Variants in CHEK1 observed in about 807,000 individuals in gnomAD.
The protein encoded by CHEK1 is serine/threonine-protein kinase Chk1.
CHEK1 carries 32 observed loss-of-function variants against 60.2 expected under a neutral mutation model. The ratio of observed to expected loss-of-function variants is 0.53; its 90% CI spans 0.40 to 0.71. The LOEUF is 0.71. Among genes scored for constraint, CHEK1 ranks in the 30% least tolerant of loss-of-function variants. The pLI is 0.00. For missense variants in CHEK1, 399 were observed against 564.6 expected (o/e 0.71, Z 2.97); for synonymous variants, 179 against 187.2 (o/e 0.96, Z 0.36).
intron 5 of CHEK1, among the ~76,000 whole-genome samples, chr11:125,632,141 T>G (rs768769433): frequency 6.6e-6 from 1 of 152,220 alleles, no homozygotes; most frequent in Non-Finnish European, 1.5e-5. Flanking sequence ...TTGTCCCACT[T>G]ACACACTATT....
At chr11:125,629,536 T>C in intron 5 of CHEK1, 76 bp downstream of exon 5, 1 of 1,105,048 alleles carries the variant, frequency 9.0e-7, no homozygotes, top group Admixed American at 2.4e-5. Context: ...CTAATTATTT[T>C]AATATAGCCA....
At position 125,656,040 on chromosome 11, in the gene CHEK1, T is replaced by A. The variant is rs991252163; in HGVS notation, c.*720T>A. 9.4e-6 allele frequency: 2 copies of A among 211,800 alleles called. No homozygotes were observed. The highest frequency in any genetic ancestry group is 1.9e-5 in the Non-Finnish European group (2 of 104,714). 13.1% of individuals were successfully genotyped at this position (211,800 alleles called of 1,614,324 possible). A position where few individuals can be genotyped will look rare whatever the true frequency, so the allele number is the denominator to read the frequency against. ...CTTTCATAGCCATATTTTAACCTTT[T>A]CAACTTACTGGTGACCAAGCTTTTA... On this transcript the variant is annotated 3_prime_UTR_variant, in exon 13 of 13. Coordinates refer to ENST00000438015, the MANE Select transcript of CHEK1 (RefSeq NM_001114122.3).
chr11:125,678,379 T>C (rs1271823022), downstream of CHEK1: 3 of 1,507,408 alleles, frequency 2.0e-6, no homozygotes, highest in Non-Finnish European at 2.7e-6. Context: ...GTTAGGCTAA[T>C]GTTATGAGAC....
intron 8 of CHEK1, 182 bp from the exon 9 acceptor site, chr11:125,643,610 A>G: frequency 1.8e-6 from 1 of 552,110 alleles, no homozygotes; most frequent in Admixed American, 3.3e-5. Flanking sequence ...TAGTAATTTT[A>G]TAACTTGGCC....
downstream of CHEK1, chr11:125,678,051 G>A (rs374663183): frequency 5.4e-5 from 87 of 1,614,004 alleles, no homozygotes; most frequent in Middle Eastern, 1.6e-4. Flanking sequence ...ATGTTCAGTC[G>A]CAGCGGGCTC....
downstream of CHEK1, among the ~76,000 whole-genome samples, chr11:125,657,638 A>AT (rs1180216240): frequency 2.0e-5 from 3 of 152,012 alleles, no homozygotes; most frequent in Admixed American, 1.3e-4. Flanking sequence ...TCATGTGTTG[A>AT]TTTTTTATAG....
intron 3 of CHEK1, among the ~76,000 whole-genome samples, chr11:125,628,580 G>A (rs547462607): frequency 1.5e-4 from 23 of 152,194 alleles, no homozygotes; most frequent in Middle Eastern, 3.4e-3. Context: ...ACTGTTTCAC[G>A]AAGGACCTCA....
Position 125,625,878 on chromosome 11 carries a change from G to A in CHEK1, c.-155G>A, listed in dbSNP as rs561125706. 10 of 702,658 alleles carry A rather than the reference G, an allele frequency of 1.4e-5. No homozygotes were observed. Among genetic ancestry groups the A allele is most frequent in the East Asian group, 1.1e-4 (4 of 37,282 alleles). The allele number at this position is 702,658 out of a possible 1,614,324, so 43.5% of individuals were successfully genotyped here. ...CTTTTGGAGCCGCCGACATTCAGAG[G>A]GGCAGGACACGGGAACGCGCGCTGT... is the stretch of plus-strand genomic sequence containing the variant. On this transcript the variant is annotated 5_prime_UTR_variant, in exon 1 of 13. Transcript: ENST00000438015.
In CHEK1 at chr11:125,655,114, A is replaced by C. The variant is rs374951072; in HGVS notation, c.1336-111A>C. On this transcript the variant is annotated intron_variant, in intron 12 of 12. Coordinates refer to ENST00000438015, the MANE Select transcript of CHEK1 (RefSeq NM_001114122.3). ...ACCGAAAAGAAAATGGTAGCTAGAC[A>C]TACCTAAAGATGTTTGTCTCTTGTT... 107 of 722,804 alleles carry C rather than the reference A, an allele frequency of 1.5e-4. No homozygotes were observed. In the Middle Eastern group the frequency reaches 2.1e-3, roughly 14 times the overall value. 44.8% of individuals were successfully genotyped at this position (722,804 alleles called of 1,614,324 possible).
downstream of CHEK1, among the ~76,000 whole-genome samples, chr11:125,679,216 C>CTTT (rs71045115): frequency 4.8e-4 from 58 of 121,044 alleles, 3 homozygotes; most frequent in African/African-American, 1.4e-3. Context: ...CCGTCTCTTT[C>CTTT]TTTTTTTTTT....
At chr11:125,667,744 C>T (rs1034683126) in intron 13 of CHEK1, among the ~76,000 whole-genome samples, 5 of 152,104 alleles carry the variant, frequency 3.3e-5, no homozygotes, top group Non-Finnish European at 5.9e-5. Context: ...TCTCAGCCTC[C>T]CAAGTAGCTG....
Position 125,655,846 on chromosome 11 carries a change from T to G in CHEK1, c.*526T>G, listed in dbSNP as rs1941889254. On this transcript the variant is annotated 3_prime_UTR_variant, in exon 13 of 13. Transcript: ENST00000438015. ...TTTCAAAAGGGCCTGGCCAGTTATA[T>G]AAACCTGTTTTTGAATTATAATGAT... The G allele has an allele frequency of 4.7e-6, 1 of 211,588 alleles. No individual in the cohort carries two copies. The highest frequency in any genetic ancestry group is 9.6e-6 in the Non-Finnish European group (1 of 104,352). 13.1% of individuals were successfully genotyped at this position (211,588 alleles called of 1,614,324 possible). A position where few individuals can be genotyped will look rare whatever the true frequency, so the allele number is the denominator to read the frequency against.
chr11:125,638,563 C>T (rs1174914078), intron 8 of CHEK1, among the ~76,000 whole-genome samples: 1 of 152,154 alleles, frequency 6.6e-6, no homozygotes, highest in Non-Finnish European at 1.5e-5. Flanking sequence ...GTTTCTTCCT[C>T]CTTGTCCTAA....
At chr11:125,626,993 TAAA>T (rs912218732) in intron 2 of CHEK1, among the ~76,000 whole-genome samples, 160 bp downstream of exon 2, 1 of 148,852 alleles carries the variant, frequency 6.7e-6, no homozygotes, top group Non-Finnish European at 1.5e-5. Flanking sequence ...TCCTTCCCTT[TAAA>T]AAAAAAAGTT....
intron 13 of CHEK1, among the ~76,000 whole-genome samples, chr11:125,668,158 T>C (rs1382429553): frequency 6.6e-6 from 1 of 152,210 alleles, no homozygotes; most frequent in Non-Finnish European, 1.5e-5. Context: ...ATTCAAATTT[T>C]ATCAGTCCTA....
chr11:125,668,700 A>G (rs1021600095), intron 13 of CHEK1, among the ~76,000 whole-genome samples: 2 of 152,016 alleles, frequency 1.3e-5, no homozygotes, highest in African/African-American at 2.4e-5. Flanking sequence ...CTATAGGCGC[A>G]TGTCACCATG....
In CHEK1 at chr11:125,673,290, C is replaced by T. The variant is rs1337271240; in HGVS notation, c.*28-2638C>T. On this transcript the variant is annotated intron_variant, in intron 13 of 13. Transcript: ENST00000428830. The stretch of plus-strand genomic sequence containing the variant: ...TGCAACCTCAGCTCACCGCAGCCTC[C>T]ACCTCCCAGGTTCAAGCGATTGTCC... Among the ~76,000 whole-genome samples, 3 of 151,852 alleles carry T rather than the reference C, an allele frequency of 2.0e-5. No homozygotes were observed. The East Asian group carries it at 5.8e-4, about 29-fold the overall frequency.
downstream of CHEK1, among the ~76,000 whole-genome samples, chr11:125,657,714 C>T (rs1023548093): frequency 2.6e-5 from 4 of 151,928 alleles, no homozygotes; most frequent in Non-Finnish European, 4.4e-5. Context: ...TATGAACATC[C>T]CACTAACTAT....
In CHEK1 at chr11:125,644,452, A is replaced by G. The variant is rs187420164; in HGVS notation, c.1102-60A>G. The G allele has an allele frequency of 4.2e-5, 66 of 1,568,418 alleles. No individual in the cohort carries two copies. In the Admixed American group the frequency reaches 5.7e-4, roughly 13 times the overall value. ...TAATTTTAAGTCAGACTAAATAGCT[A>G]TGATATTACTGTCTTTAGTCCTAAT... On this transcript the variant is annotated intron_variant, in intron 10 of 12. Coordinates refer to ENST00000438015, the MANE Select transcript of CHEK1 (RefSeq NM_001114122.3).
Sources: gnomAD v4.1 joint callset for allele counts (sites outside exome capture counted in the v4.1 genomes callset) on GRCh38, gnomAD v4.1.1 for gene constraint, MANE v1.5 for transcripts, NCBI Gene and HGNC (gene_info 2026-07-23, HGNC 2026-07-21) for gene names.